Variants in CHMP7 observed in about 807,000 individuals in gnomAD.
The protein encoded by CHMP7 is CHMP family, member 7.
A neutral mutation model predicts 53.7 loss-of-function variants in CHMP7; 15 were observed. That is an observed-to-expected ratio of 0.28 (90% CI 0.19 to 0.43). The LOEUF (loss-of-function observed/expected upper bound fraction) is 0.43, where lower values mean the gene tolerates loss of function less well. Ranked by LOEUF, CHMP7 falls within the 20% of genes least tolerant of loss-of-function variation. The pLI, the probability that CHMP7 is intolerant of heterozygous loss-of-function variation, is 1.00. For missense variants in CHMP7, 527 were observed against 569.4 expected (o/e 0.93, Z 0.76); for synonymous variants, 261 against 228.0 (o/e 1.14, Z -1.30).
chr8:23,260,634 G>C lies in CHMP7; in HGVS notation c.*35G>C, dbSNP rs774475836. On this transcript the variant is annotated 3_prime_UTR_variant, in exon 11 of 11. Transcript: ENST00000397677. ...GTGAAGGACCCTCATGTAAAAGAGAGACCAGGCTTGCTGGGTGTGTACATA... is the reference window on the plus strand; with the variant it reads ...GTGAAGGACCCTCATGTAAAAGAGACACCAGGCTTGCTGGGTGTGTACATA... The C allele has an allele frequency of 4.6e-6, 7 of 1,524,144 alleles. No homozygotes were observed. Among genetic ancestry groups the C allele is most frequent in the Non-Finnish European group, 6.4e-6 (7 of 1,097,660 alleles). 94.4% of individuals were successfully genotyped at this position (1,524,144 alleles called of 1,614,324 possible). A position where few individuals can be genotyped will look rare whatever the true frequency, so the allele number is the denominator to read the frequency against.
chr8:23,256,391 C>T, intron 4 of CHMP7, 69 bp from the exon 5 acceptor site: 1 of 1,061,388 alleles, frequency 9.4e-7, no homozygotes, highest in Non-Finnish European at 1.5e-6. Flanking sequence ...TGCCCACCAC[C>T]AGCGCTCCTG....
At chr8:23,251,856 G>C (rs1186535225) in intron 3 of CHMP7, among the ~76,000 whole-genome samples, 1 of 152,108 alleles carries the variant, frequency 6.6e-6, no homozygotes, top group Admixed American at 6.6e-5. Context: ...AATGCCACTT[G>C]TGCAGAGATC....
intron 3 of CHMP7, among the ~76,000 whole-genome samples, chr8:23,251,255 A>G (rs1442229637): frequency 1.3e-5 from 2 of 152,140 alleles, no homozygotes; most frequent in African/African-American, 2.4e-5. Context: ...GTAACTTTTT[A>G]CTTTTGGATG....
At chr8:23,249,178 C>G in intron 2 of CHMP7, 32 bp from the exon 3 acceptor site, 1 of 1,532,470 alleles carries the variant, frequency 6.5e-7, no homozygotes, top group Non-Finnish European at 8.8e-7. Flanking sequence ...GCATTAAGTG[C>G]TACTACACGC....
At chr8:23,254,935 C>T (rs374108819) in intron 3 of CHMP7, 35 of 424,538 alleles carry the variant, frequency 8.2e-5, no homozygotes, top group African/African-American at 6.6e-4. Context: ...CCTCACCTCA[C>T]CTCCTCAGTC....
rs1237459668 is a variant in CHMP7 at position 23,258,819 on chromosome 8, C to G, written c.1048C>G (p.Gln350Glu). 6.2e-7 allele frequency: 1 copy of G among 1,609,558 alleles called. No individual in the cohort carries two copies. Among genetic ancestry groups the G allele is most frequent in the East Asian group, 2.2e-5 (1 of 44,830 alleles). Residue 350 changes from glutamine (Q) to glutamate (E), a missense_variant, in exon 8 of 11, where the codon CAG (glutamine) becomes GAG (glutamate). By Grantham distance (29) the Gln-to-Glu change is conservative. Transcript: ENST00000397677. ...GGAGAAGGCAGAGAGCCTCGTGGAT[C>G]AGATCCAAGAGGTACAGAAAGGGGC... Reference protein sequence around the residue: ...TVEKAESLVDQIQELCDTQDE... With the variant: ...TVEKAESLVDEIQELCDTQDE...
chr8:23,258,010 C>T, intron 5 of CHMP7, 23 bp from the exon 6 acceptor site: 2 of 1,584,764 alleles, frequency 1.3e-6, no homozygotes, highest in East Asian at 4.5e-5. Context: ...GCACAGTAAT[C>T]TTATCTGTCC....
intron 3 of CHMP7, 93 bp downstream of exon 3, chr8:23,249,474 C>T: frequency 1.0e-6 from 1 of 1,004,762 alleles, no homozygotes; most frequent in Non-Finnish European, 1.4e-6. Context: ...AAGACCGTCT[C>T]TTTTTTTACA....
At chr8:23,248,311 C>A in intron 2 of CHMP7, 1 of 398,336 alleles carries the variant, frequency 2.5e-6, no homozygotes, top group Admixed American at 2.7e-5. Flanking sequence ...GTCTCTTCTC[C>A]TGACTGCTGG....
At chr8:23,253,872 T>C (rs939452361) in intron 3 of CHMP7, among the ~76,000 whole-genome samples, 7 of 152,216 alleles carry the variant, frequency 4.6e-5, no homozygotes, top group African/African-American at 1.4e-4. Context: ...TCCTTGCCTC[T>C]AATCTTAACT....
chr8:23,258,800 G>A lies in CHMP7; in HGVS notation c.1029G>A (p.Lys343=), dbSNP rs1298433211. The change falls in exon 8 of 11, where the codon AAG becomes AAA. Residue 343 remains lysine (K), a synonymous_variant. Coordinates refer to ENST00000397677, the MANE Select transcript of CHMP7 (RefSeq NM_152272.5). ...KLSMKDVTVE[K]AESLVDQIQE... ...CCATGAAGGATGTCACAGTGGAGAA[G>A]GCAGAGAGCCTCGTGGATCAGATCC... 1.9e-6 allele frequency: 3 copies of A among 1,613,246 alleles called. No individual in the cohort carries two copies. Among genetic ancestry groups the A allele is most frequent in the Non-Finnish European group, 2.5e-6 (3 of 1,179,402 alleles).
At chr8:23,259,239 G>A (rs1313638419) in intron 9 of CHMP7, 113 bp downstream of exon 9, 3 of 554,184 alleles carry the variant, frequency 5.4e-6, no homozygotes, top group African/African-American at 2.0e-5. Flanking sequence ...CGGGATCTCG[G>A]CTCACTGCAA....
rs1290240830 is a variant in CHMP7, at chr8:23,246,510, C to T, written c.-186C>T. On this transcript the variant is annotated 5_prime_UTR_variant, in exon 2 of 11. Transcript: ENST00000397677. The stretch of plus-strand genomic sequence containing the variant: ...TGAAAAGAACTTCATCATACTGCCT[C>T]CTGGCTGACGGAGCGCAGCGCAACG... 4 of 604,478 alleles carry T rather than the reference C, an allele frequency of 6.6e-6. No homozygotes were observed. Among genetic ancestry groups the T allele is most frequent in the Non-Finnish European group, 1.2e-5 (4 of 343,492 alleles). The allele number at this position is 604,478 out of a possible 1,614,324, so 37.4% of individuals were successfully genotyped here. A position where few individuals can be genotyped will look rare whatever the true frequency, so the allele number is the denominator to read the frequency against.
chr8:23,257,500 A>G lies in CHMP7; in HGVS notation c.792-533A>G, dbSNP rs1802183131. Among the ~76,000 whole-genome samples the G allele has an allele frequency of 1.3e-5, 2 of 152,214 alleles. 1 individual carries two copies. The highest frequency in any genetic ancestry group is 4.1e-4 in the South Asian group (2 of 4,830). ...TCAACTAATATTTATTGAGCCAGGC[A>G]TTGTCTTAGGGACTGGGGATACAGC... On this transcript the variant is annotated intron_variant, in intron 5 of 10. Transcript: ENST00000397677.
chr8:23,252,521 T>C (rs761348976), intron 3 of CHMP7: 2 of 152,184 alleles, frequency 1.3e-5, no homozygotes, highest in Non-Finnish European at 2.9e-5. Flanking sequence ...GTATTCTTTA[T>C]GTGTTAGAGA....
Position 23,255,291 on chromosome 8 carries a change from C to T in CHMP7, c.516C>T (p.Leu172=), listed in dbSNP as rs749757566. 1.1e-5 allele frequency: 17 copies of T among 1,614,094 alleles called. No homozygotes were observed. The highest frequency in any genetic ancestry group is 1.4e-5 in the Non-Finnish European group (16 of 1,180,044). The change falls in exon 4 of 11, where the codon CTC becomes CTT. Residue 172 remains leucine (L), a synonymous_variant. Coordinates refer to ENST00000397677, the MANE Select transcript of CHMP7 (RefSeq NM_152272.5). The part of the protein sequence containing the change: ...EVYRLYQNSP[L]SSHPVVALSE... ...ATCGTCTGTATCAGAACTCGCCCCTCTCCTCCCACCCCGTGGTGGCCCTGT... is the reference window on the plus strand; with the variant it reads ...ATCGTCTGTATCAGAACTCGCCCCTTTCCTCCCACCCCGTGGTGGCCCTGT...
chr8:23,245,670 T>C (rs1291398002), intron 1 of CHMP7, among the ~76,000 whole-genome samples: 1 of 151,200 alleles, frequency 6.6e-6, no homozygotes, highest in East Asian at 1.9e-4. Context: ...TTTGTTTCTA[T>C]CTTATAAAAG....
At position 23,246,387 on chromosome 8, in the gene CHMP7, G is replaced by C; in HGVS notation, c.-309G>C. On this transcript the variant is annotated 5_prime_UTR_variant, in exon 2 of 11. Transcript: ENST00000397677. Reference sequence around the variant, plus strand: ...TTTGCCGAACTCCAGAATCTTGAAGGAGACGTAAGGTGCAGCCACCTGCCG... The same window carrying C: ...TTTGCCGAACTCCAGAATCTTGAAGCAGACGTAAGGTGCAGCCACCTGCCG... The C allele has an allele frequency of 2.6e-6, 1 of 389,104 alleles. No homozygotes were observed. The highest frequency in any genetic ancestry group is 4.7e-6 in the Non-Finnish European group (1 of 212,378). The allele number at this position is 389,104 out of a possible 1,614,324, so 24.1% of individuals were successfully genotyped here.
chr8:23,256,658 T>C lies in CHMP7; in HGVS notation c.791+65T>C. ...GCTGGCCCCCAGAGCCAGCAAAATGTTAGTATATGTGGGCTTTTAAAAAAT... is the reference window on the plus strand; with the variant it reads ...GCTGGCCCCCAGAGCCAGCAAAATGCTAGTATATGTGGGCTTTTAAAAAAT... On this transcript the variant is annotated intron_variant, in intron 5 of 10. Transcript: ENST00000397677. The C allele has an allele frequency of 2.1e-6, 3 of 1,462,088 alleles. No homozygotes were observed. In the South Asian group the frequency reaches 3.7e-5, roughly 18 times the overall value. The allele number at this position is 1,462,088 out of a possible 1,614,324, so 90.6% of individuals were successfully genotyped here.
Sources: gnomAD v4.1 joint callset for allele counts (sites outside exome capture counted in the v4.1 genomes callset) on GRCh38, gnomAD v4.1.1 for gene constraint, MANE v1.5 for transcripts, NCBI Gene and HGNC (gene_info 2026-07-23, HGNC 2026-07-21) for gene names.